The following HUNK variants were observed in gnomAD, a reference collection of about 807,000 sequenced individuals.
The protein encoded by HUNK is hormonally up-regulated neu tumor-associated kinase.
In HUNK, 21 loss-of-function variants were observed where a neutral mutation model predicts 61.0. The observed-to-expected ratio is 0.34, with a 90% CI of 0.24 to 0.50. HUNK has a LOEUF of 0.50. HUNK is among the 20% of genes least tolerant of loss of function. The pLI, the probability that HUNK is intolerant of heterozygous loss-of-function variation, is 0.98. For missense variants in HUNK, 772 were observed against 945.7 expected (o/e 0.82, Z 2.41); for synonymous variants, 371 against 386.1 (o/e 0.96, Z 0.46).
intron 1 of HUNK, among the ~76,000 whole-genome samples, chr21:31,899,933 A>G (rs545179167): frequency 8.5e-5 from 13 of 152,078 alleles, no homozygotes; most frequent in African/African-American, 3.1e-4. Context: ...GCCTATCACC[A>G]TGCCTAGCTA....
At chr21:31,889,141 C>G (rs556099166) in intron 1 of HUNK, among the ~76,000 whole-genome samples, 1 of 152,146 alleles carries the variant, frequency 6.6e-6, no homozygotes, top group African/African-American at 2.4e-5. Flanking sequence ...CATCCTCCTA[C>G]GAGAATGAAC....
At chr21:31,892,179 A>ATT (rs2052394272) in intron 1 of HUNK, among the ~76,000 whole-genome samples, 1 of 95,538 alleles carries the variant, frequency 1.0e-5, no homozygotes. Context: ...ATATATATAT[A>ATT]TAGAGAGAGA....
intron 10 of HUNK, among the ~76,000 whole-genome samples, chr21:31,997,250 G>A (rs2053212154): frequency 6.6e-6 from 1 of 152,208 alleles, no homozygotes. Context: ...TTTCTTTTCT[G>A]GCCCAGTTTC....
intron 2 of HUNK, among the ~76,000 whole-genome samples, chr21:31,932,554 TGTGATTAG>T (rs1430338791): frequency 3.3e-5 from 5 of 152,136 alleles, no homozygotes; most frequent in Admixed American, 6.6e-5. Context: ...AACAAAGGGC[TGTGATTAG>T]GTGATACCTA....
At chr21:31,918,215 A>G (rs1334245378) in intron 1 of HUNK, among the ~76,000 whole-genome samples, 1 of 136,250 alleles carries the variant, frequency 7.3e-6, no homozygotes, top group Non-Finnish European at 1.5e-5. Flanking sequence ...ATCAACTTGT[A>G]AGTATGGAGC....
intron 1 of HUNK, among the ~76,000 whole-genome samples, chr21:31,914,450 G>GC (rs750189291): frequency 3.5e-4 from 47 of 133,074 alleles, no homozygotes; most frequent in Non-Finnish European, 6.8e-4. Context: ...CCCGGCCCTA[G>GC]CCCGCAGTGA....
intron 4 of HUNK, among the ~76,000 whole-genome samples, chr21:31,949,575 GCACA>G (rs148673553): frequency 7.3e-5 from 11 of 150,612 alleles, no homozygotes; most frequent in Middle Eastern, 6.9e-3. Flanking sequence ...AAGAATTTGT[GCACA>G]CACACACACA....
intron 1 of HUNK, among the ~76,000 whole-genome samples, chr21:31,906,583 T>C (rs1422102897): frequency 6.6e-6 from 1 of 152,066 alleles, no homozygotes; most frequent in African/African-American, 2.4e-5. Context: ...ATGTGTGCCA[T>C]CATAAATGGC....
intron 1 of HUNK, among the ~76,000 whole-genome samples, chr21:31,883,257 C>T (rs1238525625): frequency 6.6e-6 from 1 of 152,116 alleles, no homozygotes; most frequent in East Asian, 1.9e-4. Flanking sequence ...TAACCACACC[C>T]ATCTGGTATG....
At chr21:31,947,972 T>G (rs113505800) in intron 4 of HUNK, among the ~76,000 whole-genome samples, 82 of 152,356 alleles carry the variant, frequency 5.4e-4, no homozygotes, top group African/African-American at 1.9e-3. Flanking sequence ...TAACGCTTAC[T>G]TAGTGCTTGA....
intron 8 of HUNK, among the ~76,000 whole-genome samples, chr21:31,987,857 C>T (rs1399099254): frequency 6.6e-6 from 1 of 152,172 alleles, no homozygotes; most frequent in Non-Finnish European, 1.5e-5. Flanking sequence ...TCCTCCGCAC[C>T]ACATGGCAGG....
At position 32,001,072 on chromosome 21, in the gene HUNK, G is replaced by A. The variant is rs1383066559; in HGVS notation, c.*1888G>A. 5.0e-6 allele frequency: 1 copy of A among 198,750 alleles called. No homozygotes were observed. Among genetic ancestry groups the A allele is most frequent in the Non-Finnish European group, 1.0e-5 (1 of 99,138 alleles). 12.3% of individuals were successfully genotyped at this position (198,750 alleles called of 1,614,324 possible). A position where few individuals can be genotyped will look rare whatever the true frequency, so the allele number is the denominator to read the frequency against. On this transcript the variant is annotated 3_prime_UTR_variant, in exon 11 of 11. Coordinates refer to ENST00000270112, the MANE Select transcript of HUNK (RefSeq NM_014586.2). The stretch of plus-strand genomic sequence containing the variant: ...GGATCGCTTGAGCTCAGGAGTTCGA[G>A]AGCAGCCTGGGCAACATGGTGAAAG...
chr21:31,877,215 G>A (rs1169200456), intron 1 of HUNK, among the ~76,000 whole-genome samples: 1 of 152,144 alleles, frequency 6.6e-6, no homozygotes, highest in South Asian at 2.1e-4. Context: ...CTAGTTGAAG[G>A]CATTTGGTAT....
intron 4 of HUNK, among the ~76,000 whole-genome samples, chr21:31,955,380 G>T (rs1385229919): frequency 6.6e-6 from 1 of 150,532 alleles, no homozygotes; most frequent in Non-Finnish European, 1.5e-5. Flanking sequence ...CACGAGGTCA[G>T]GAGATCGAGA....
At chr21:31,890,630 A>C (rs1055496183) in intron 1 of HUNK, among the ~76,000 whole-genome samples, 11 of 152,178 alleles carry the variant, frequency 7.2e-5, no homozygotes, top group African/African-American at 2.7e-4. Context: ...TTGGACATTG[A>C]GGTTGTTACA....
At chr21:31,893,502 C>T (rs369826843) in intron 1 of HUNK, among the ~76,000 whole-genome samples, 5 of 152,016 alleles carry the variant, frequency 3.3e-5, no homozygotes, top group African/African-American at 9.7e-5. Flanking sequence ...AGTCATGTTT[C>T]GGGGTGGTTG....
chr21:31,919,104 TGGACTGAGCGGTATGAGGA>T (rs1476781338), intron 1 of HUNK, among the ~76,000 whole-genome samples: 20 of 110,474 alleles, frequency 1.8e-4, no homozygotes, highest in African/African-American at 8.6e-4. Flanking sequence ...GAGGAGGGGC[TGGACTGAGCGGTATGAGGA>T]TGAGGGGCTG....
At chr21:31,933,017 T>G (rs2052708904) in intron 2 of HUNK, among the ~76,000 whole-genome samples, 1 of 151,296 alleles carries the variant, frequency 6.6e-6, no homozygotes, top group Admixed American at 6.6e-5. Flanking sequence ...GTTCAAGCGA[T>G]GCTCATGCCT....
At chr21:31,937,164 AAAG>A (rs766273874) in intron 2 of HUNK, among the ~76,000 whole-genome samples, 25 of 152,222 alleles carry the variant, frequency 1.6e-4, no homozygotes, top group Non-Finnish European at 2.6e-4. Flanking sequence ...TATCTTCAGA[AAAG>A]AAGAAGTGCC....
Sources: allele counts gnomAD v4.1 joint callset (sites outside exome capture counted in the v4.1 genomes callset), GRCh38; gene constraint gnomAD v4.1.1; transcripts MANE v1.5; gene names NCBI Gene and HGNC (gene_info 2026-07-23, HGNC 2026-07-21).